Variants in ASTN2 observed in about 807,000 individuals in gnomAD.
ASTN2 encodes the protein astrotactin 2, also known as astrotactin-2.
ASTN2 carries 54 observed loss-of-function variants against 139.8 expected under a neutral mutation model. The observed-to-expected ratio is 0.39, with a 90% CI of 0.31 to 0.48. The LOEUF (loss-of-function observed/expected upper bound fraction) is 0.48. Among genes scored for constraint, ASTN2 ranks in the 20% least tolerant of loss-of-function variants. The pLI is 0.95. For missense variants in ASTN2, 1,565 were observed against 1,725.1 expected, an observed-to-expected ratio of 0.91 and a Z score of 1.64; for synonymous variants, 756 against 719.5, an observed-to-expected ratio of 1.05 and a Z score of -0.81.
At chr9:117,205,721 G>A (rs1012642634) in intron 3 of ASTN2, among the ~76,000 whole-genome samples, 8 of 152,158 alleles carry the variant, frequency 5.3e-5, no homozygotes, top group African/African-American at 1.9e-4. Flanking sequence ...TAAAAAATAA[G>A]GCTTTCTTTA....
chr9:116,766,060 C>G (rs1247531251), intron 13 of ASTN2, among the ~76,000 whole-genome samples: 1 of 152,080 alleles, frequency 6.6e-6, no homozygotes, highest in East Asian at 1.9e-4. Context: ...GAAAATGTAT[C>G]TAAGGTGTTT....
chr9:117,079,849 G>T (rs550175307), intron 5 of ASTN2, among the ~76,000 whole-genome samples: 1 of 152,372 alleles, frequency 6.6e-6, no homozygotes, highest in South Asian at 2.1e-4. Context: ...AAAGTAGTCA[G>T]ATCTAAGGCT....
chr9:117,176,096 A>G (rs1449076647), intron 3 of ASTN2, among the ~76,000 whole-genome samples: 1 of 152,028 alleles, frequency 6.6e-6, no homozygotes, highest in African/African-American at 2.4e-5. Context: ...AGAAAATTTA[A>G]TATAAGGAAA....
rs1396043330 is a variant in ASTN2 at position 116,806,533 on chromosome 9, T to C, written c.2208-713A>G. Among the ~76,000 whole-genome samples the C allele has an allele frequency of 2.0e-5, 3 of 152,244 alleles. No homozygotes were observed. The East Asian group carries it at 5.8e-4, about 29-fold the overall frequency. On this transcript the variant is annotated intron_variant, in intron 12 of 22. Coordinates refer to ENST00000313400, the MANE Select transcript of ASTN2 (RefSeq NM_001365068.1). The stretch of plus-strand genomic sequence containing the variant: ...GCCCCTGAAAAATCATTCCAGAAAC[T>C]GGAATTCTATGAGTGTCTACCTTTT...
intron 10 of ASTN2, among the ~76,000 whole-genome samples, chr9:116,943,945 T>G (rs757385425): frequency 6.6e-6 from 1 of 152,022 alleles, no homozygotes; most frequent in Non-Finnish European, 1.5e-5. Context: ...AGTTCTGCCC[T>G]CCAAGAGTTC....
chr9:116,992,642 A>G (rs1836891841), intron 7 of ASTN2, among the ~76,000 whole-genome samples: 1 of 151,882 alleles, frequency 6.6e-6, no homozygotes, highest in Admixed American at 6.6e-5. Flanking sequence ...TTCTCCTTTC[A>G]CCCTGAGTTG....
chr9:116,566,910 C>A (rs1853262566), intron 19 of ASTN2, among the ~76,000 whole-genome samples: 1 of 152,158 alleles, frequency 6.6e-6, no homozygotes, highest in East Asian at 1.9e-4. Flanking sequence ...CCTGATGGCT[C>A]CCACCCAGCC....
chr9:117,158,026 T>G (rs372873152), intron 3 of ASTN2, among the ~76,000 whole-genome samples: 1 of 152,178 alleles, frequency 6.6e-6, no homozygotes. Context: ...TGCCAGTAAC[T>G]GTGCTAGGCA....
intron 10 of ASTN2, among the ~76,000 whole-genome samples, chr9:116,944,531 A>C (rs890528158): frequency 6.6e-6 from 1 of 151,730 alleles, no homozygotes; most frequent in Non-Finnish European, 1.5e-5. Context: ...AAATACAAAA[A>C]TTGGCTGGGC....
At chr9:117,310,006 G>A (rs1172411887) in intron 1 of ASTN2, among the ~76,000 whole-genome samples, 2 of 152,092 alleles carry the variant, frequency 1.3e-5, no homozygotes, top group African/African-American at 4.8e-5. Context: ...TTTCCTTTCT[G>A]AGCCTGTTTC....
At chr9:116,591,425 C>A (rs530921856) in intron 19 of ASTN2, among the ~76,000 whole-genome samples, 1 of 152,380 alleles carries the variant, frequency 6.6e-6, no homozygotes, top group African/African-American at 2.4e-5. Flanking sequence ...CACTCCATGG[C>A]TGGCTTGCCC....
At chr9:116,830,791 C>CA (rs35912144) in intron 11 of ASTN2, among the ~76,000 whole-genome samples, 28,943 of 96,598 alleles carry the variant, frequency 0.3, 3,948 homozygotes, top group East Asian at 0.51. Flanking sequence ...GACCCTATGT[C>CA]AAAAAAAAAA....
At chr9:117,004,267 G>A (rs1588473264) in intron 7 of ASTN2, among the ~76,000 whole-genome samples, 2 of 152,046 alleles carry the variant, frequency 1.3e-5, no homozygotes, top group South Asian at 4.1e-4. Context: ...CTATGGGCAT[G>A]TGTCACCATG....
chr9:117,109,132 A>G (rs1829183080), intron 4 of ASTN2, among the ~76,000 whole-genome samples: 1 of 150,650 alleles, frequency 6.6e-6, no homozygotes, highest in African/African-American at 2.4e-5. Flanking sequence ...AAATACAAAA[A>G]TTAGCTGGGC....
intron 16 of ASTN2, among the ~76,000 whole-genome samples, chr9:116,663,865 G>T (rs926849178): frequency 5.3e-5 from 8 of 152,158 alleles, no homozygotes; most frequent in African/African-American, 1.9e-4. Context: ...GAAGCTCATG[G>T]AGGGAAAATC....
intron 10 of ASTN2, among the ~76,000 whole-genome samples, chr9:116,879,344 G>GAGACAGACAGACAGAC (rs55856269): frequency 6.7e-6 from 1 of 149,672 alleles, no homozygotes; most frequent in East Asian, 2.0e-4. Context: ...GAGAGAGACA[G>GAGACAGACAGACAGAC]AGACAGACAG....
intron 1 of ASTN2, among the ~76,000 whole-genome samples, chr9:117,348,774 G>A (rs188996459): frequency 1.0e-3 from 151 of 151,630 alleles, no homozygotes; most frequent in Non-Finnish European, 1.6e-3. Context: ...TTTGTATAAA[G>A]CCAAGGGCTT....
rs573994413 is a variant in ASTN2, at chr9:117,378,149, C to T, written c.442+36348G>A. Among the ~76,000 whole-genome samples the T allele has an allele frequency of 2.6e-5, 4 of 152,220 alleles. No individual in the cohort carries two copies. The South Asian group carries it at 8.3e-4, about 32-fold the overall frequency. ...AATTCATTTCCACAGGTGATGAGAACAACAAAAGGCTTGGCAGGTAGGTTC... is the reference window on the plus strand; with the variant it reads ...AATTCATTTCCACAGGTGATGAGAATAACAAAAGGCTTGGCAGGTAGGTTC... On this transcript the variant is annotated intron_variant, in intron 1 of 22. Coordinates refer to ENST00000313400, the MANE Select transcript of ASTN2 (RefSeq NM_001365068.1).
At chr9:116,490,765 C>T (rs1356358306) in intron 19 of ASTN2, among the ~76,000 whole-genome samples, 3 of 152,018 alleles carry the variant, frequency 2.0e-5, no homozygotes, top group Admixed American at 6.6e-5. Flanking sequence ...GTAACCACCC[C>T]CATAATCTAA....
Sources: allele counts gnomAD v4.1 joint callset (sites outside exome capture counted in the v4.1 genomes callset), GRCh38; gene constraint gnomAD v4.1.1; transcripts MANE v1.5; gene names NCBI Gene and HGNC (gene_info 2026-07-23, HGNC 2026-07-21).